Variants in WLS observed in about 807,000 individuals in gnomAD.
WLS encodes Wnt ligand secretion mediator, also known as protein wntless homolog.
In WLS, 23 loss-of-function variants were observed where a neutral mutation model predicts 62.8. That is an observed-to-expected ratio of 0.37 (90% confidence interval 0.26 to 0.52). The LOEUF is 0.52. WLS is among the 20% of genes least tolerant of loss of function. The pLI is 0.92. For synonymous variants in WLS, 246 were observed against 244.1 expected (o/e 1.01, Z -0.07); for missense variants, 615 against 697.3 (o/e 0.88, Z 1.33).
intron 2 of WLS, chr1:68,183,462 C>T: frequency 2.0e-6 from 1 of 507,152 alleles, no homozygotes; most frequent in South Asian, 1.5e-5. Flanking sequence ...ATCCTCTGCC[C>T]CATTCAGCTC....
At chr1:68,139,931 AAT>A (rs1391223295) in intron 10 of WLS, among the ~76,000 whole-genome samples, 1 of 152,242 alleles carries the variant, frequency 6.6e-6, no homozygotes, top group Non-Finnish European at 1.5e-5. Context: ...AGGAGATGCC[AAT>A]GTGTGACAAG....
At chr1:68,218,602 T>G (rs553622025) in intron 1 of WLS, among the ~76,000 whole-genome samples, 1 of 152,364 alleles carries the variant, frequency 6.6e-6, no homozygotes, top group East Asian at 1.9e-4. Flanking sequence ...TTGTCATACT[T>G]GCTTCCTTCC....
intron 2 of WLS, among the ~76,000 whole-genome samples, chr1:68,165,934 C>A (rs1276978150): frequency 6.6e-6 from 1 of 152,186 alleles, no homozygotes; most frequent in Non-Finnish European, 1.5e-5. Context: ...TTGTAGTGGG[C>A]CTGGTTCAGA....
At chr1:68,150,594 C>G (rs989675103) in intron 5 of WLS, among the ~76,000 whole-genome samples, 1 of 152,168 alleles carries the variant, frequency 6.6e-6, no homozygotes, top group African/African-American at 2.4e-5. Context: ...ATGCCTCACA[C>G]TTTACTTTGG....
chr1:68,152,815 CA>C (rs1182931876), intron 5 of WLS, among the ~76,000 whole-genome samples: 1 of 152,072 alleles, frequency 6.6e-6, no homozygotes, highest in African/African-American at 2.4e-5. Flanking sequence ...TAATAGAATC[CA>C]GCAGAAAGGG....
downstream of WLS, chr1:68,121,144 G>C (rs1646359641): frequency 6.6e-6 from 1 of 152,194 alleles, no homozygotes; most frequent in African/African-American, 2.4e-5. Context: ...CCCTAGTACA[G>C]GAAGGGACAT....
chr1:68,202,359 A>G (rs1446061602), intron 1 of WLS: 1 of 152,238 alleles, frequency 6.6e-6, no homozygotes, highest in Non-Finnish European at 1.5e-5. Context: ...TAATTGGTGT[A>G]GCAATCCAGT....
At chr1:68,224,869 A>C (rs1650079960) in intron 1 of WLS, among the ~76,000 whole-genome samples, 1 of 152,162 alleles carries the variant, frequency 6.6e-6, no homozygotes, top group African/African-American at 2.4e-5. Flanking sequence ...TGGAAAGGAC[A>C]ATGGGAGGAA....
At chr1:68,108,693 T>C (rs1646179931) in intron 11 of WLS, among the ~76,000 whole-genome samples, 1 of 152,346 alleles carries the variant, frequency 6.6e-6, no homozygotes, top group East Asian at 1.9e-4. Flanking sequence ...TTTTAATTAA[T>C]TTTAATTTAA....
At chr1:68,124,663 C>T (rs1646403287), downstream of WLS, among the ~76,000 whole-genome samples, 2 of 152,108 alleles carry the variant, frequency 1.3e-5, no homozygotes, top group South Asian at 2.1e-4. Context: ...GATCGTACAC[C>T]ATCCCAATGT....
chr1:68,122,363 T>C (rs1455671661), downstream of WLS, among the ~76,000 whole-genome samples: 1 of 152,214 alleles, frequency 6.6e-6, no homozygotes, highest in Non-Finnish European at 1.5e-5. Context: ...GTTAGAGCTT[T>C]ATCTCAGTTC....
At chr1:68,109,399 C>G (rs919533141) in intron 11 of WLS, among the ~76,000 whole-genome samples, 1 of 152,144 alleles carries the variant, frequency 6.6e-6, no homozygotes, top group Non-Finnish European at 1.5e-5. Flanking sequence ...AGAAAGCAAA[C>G]CACTATAAGC....
chr1:68,229,268 A>G (rs1650306886), intron 1 of WLS, among the ~76,000 whole-genome samples: 1 of 152,132 alleles, frequency 6.6e-6, no homozygotes, highest in Non-Finnish European at 1.5e-5. Flanking sequence ...CACCCTTACA[A>G]ACAAGAGCTT....
At chr1:68,140,309 T>C (rs12757816) in intron 10 of WLS, among the ~76,000 whole-genome samples, 6,243 of 152,252 alleles carry the variant, frequency 0.041, 151 homozygotes, top group African/African-American at 0.059. Flanking sequence ...CAGGGGTTGA[T>C]CTCTGAAGGT....
intron 2 of WLS, among the ~76,000 whole-genome samples, chr1:68,181,617 C>T (rs975214690): frequency 7.9e-5 from 12 of 152,206 alleles, no homozygotes; most frequent in African/African-American, 2.7e-4. Flanking sequence ...AAGGCTGACT[C>T]ACCTGTATGG....
At chr1:68,101,392 C>A (rs952173887) in intron 11 of WLS, among the ~76,000 whole-genome samples, 4 of 152,108 alleles carry the variant, frequency 2.6e-5, no homozygotes, top group Non-Finnish European at 5.9e-5. Context: ...GGAGGCCGCC[C>A]CAGAAAGGCT....
chr1:68,227,974 G>A (rs1650234621), intron 1 of WLS, among the ~76,000 whole-genome samples: 1 of 152,182 alleles, frequency 6.6e-6, no homozygotes, highest in Non-Finnish European at 1.5e-5. Flanking sequence ...ATGGGTCACA[G>A]TAAAGACCAG....
chr1:68,108,941 A>G (rs1375519111), intron 11 of WLS, among the ~76,000 whole-genome samples: 1 of 152,248 alleles, frequency 6.6e-6, no homozygotes, highest in Non-Finnish European at 1.5e-5. Flanking sequence ...TGAAAGTATT[A>G]AAGAGCACTT....
chr1:68,178,146 A>C (rs1357818806), intron 2 of WLS, among the ~76,000 whole-genome samples: 1 of 152,204 alleles, frequency 6.6e-6, no homozygotes, highest in African/African-American at 2.4e-5. Flanking sequence ...GTAAGTGATC[A>C]CAGATTCCAA....
Sources: gnomAD v4.1 joint callset for allele counts (sites outside exome capture counted in the v4.1 genomes callset) on GRCh38, gnomAD v4.1.1 for gene constraint, MANE v1.5 for transcripts, NCBI Gene and HGNC (gene_info 2026-07-23, HGNC 2026-07-21) for gene names.